KDM3B: variants seen among roughly 807,000 people sequenced by gnomAD.
The protein encoded by KDM3B is lysine demethylase 3B.
Under a neutral mutation model 170.0 loss-of-function variants are expected in KDM3B, and 10 were observed. The ratio of observed to expected loss-of-function variants is 0.06; its 90% confidence interval spans 0.04 to 0.10. The LOEUF (loss-of-function observed/expected upper bound fraction) is 0.10, where lower values mean the gene tolerates loss of function less well. Among genes scored for constraint, KDM3B ranks in the 10% least tolerant of loss-of-function variants. The probability of loss-of-function intolerance (pLI) is 1.00; values close to 1 mark genes in which losing one functional copy is unlikely to be tolerated. For missense variants in KDM3B, 1,394 were observed against 2,195.2 expected (o/e 0.64, Z 7.29); for synonymous variants, 831 against 834.8 (o/e 1.00, Z 0.08).
At chr5:138,427,630 C>T (rs369428007) in intron 19 of KDM3B, among the ~76,000 whole-genome samples, 7 of 152,154 alleles carry the variant, frequency 4.6e-5, no homozygotes, top group Non-Finnish European at 1.0e-4. Context: ...GTCTGGGTGC[C>T]ATGCTACCCA....
chr5:138,416,588 C>CAA (rs545925296), intron 12 of KDM3B, among the ~76,000 whole-genome samples: 55 of 83,982 alleles, frequency 6.5e-4, no homozygotes, highest in Middle Eastern at 0.013. Flanking sequence ...GACTCTGTCT[C>CAA]AAAAAAAAAA....
chr5:138,407,516 C>T (rs1460957672), intron 11 of KDM3B, among the ~76,000 whole-genome samples: 3 of 151,948 alleles, frequency 2.0e-5, no homozygotes, highest in Non-Finnish European at 2.9e-5. Flanking sequence ...CATGTGTGTC[C>T]GTGTCCAAAA....
At chr5:138,399,308 G>A (rs1003175068) in intron 10 of KDM3B, among the ~76,000 whole-genome samples, 1 of 151,860 alleles carries the variant, frequency 6.6e-6, no homozygotes, top group Non-Finnish European at 1.5e-5. Context: ...GGGAGGCAGA[G>A]GCAGGCAGAT....
intron 12 of KDM3B, among the ~76,000 whole-genome samples, chr5:138,415,619 T>A (rs552797676): frequency 7.0e-4 from 101 of 145,322 alleles, no homozygotes; most frequent in African/African-American, 2.3e-3. Context: ...TTAATTTAAA[T>A]TTTTTTTTTT....
Position 138,393,361 on chromosome 5 carries a change from T to C in KDM3B, c.2820T>C (p.Phe940=). The change falls in exon 9 of 24, where the codon TTT becomes TTC. Residue 940 remains phenylalanine, a synonymous_variant. Transcript: ENST00000314358. The part of the protein sequence containing the change: ...QDDSTVACRF[F]HFRRLIFTRK... ...ATTCTACTGTAGCCTGCCGTTTCTT[T>C]CACTTCCGGAGGTACCCAAACTCCT... 1 of 1,613,796 alleles carries C rather than the reference T, an allele frequency of 6.2e-7. No homozygotes were observed. Among genetic ancestry groups the C allele is most frequent in the East Asian group, 2.2e-5 (1 of 44,882 alleles).
chr5:138,418,074 GGT>G (rs1491470621), intron 13 of KDM3B: 3 of 114,206 alleles, frequency 2.6e-5, no homozygotes, highest in Non-Finnish European at 5.6e-5. Flanking sequence ...TTTTGGTTTT[GGT>G]TTTTTTTTTT....
Position 138,417,480 on chromosome 5 carries a change from C to T in KDM3B, c.3308-3C>T. 2.5e-6 allele frequency: 4 copies of T among 1,612,696 alleles called. No homozygotes were observed. Among genetic ancestry groups the T allele is most frequent in the Non-Finnish European group, 3.4e-6 (4 of 1,179,508 alleles). The stretch of plus-strand genomic sequence containing the variant: ...TATTTTTATTGTTACATTTTTTTCC[C>T]AGCTCTTTACAATATTGGAGACATG... On this transcript the variant is annotated splice_polypyrimidine_tract_variant and splice_region_variant and intron_variant, in intron 12 of 23. Transcript: ENST00000314358.
At chr5:138,372,599 G>T in intron 1 of KDM3B, 75 bp from the exon 2 acceptor site, 1 of 1,256,260 alleles carries the variant, frequency 8.0e-7, no homozygotes, top group Non-Finnish European at 1.1e-6. Context: ...AAAACAGTGG[G>T]GTTTATGTTC....
Position 138,378,088 on chromosome 5 carries a change from G to GT in KDM3B, c.580+264dup, listed in dbSNP as rs537707620. On this transcript the variant is annotated intron_variant, in intron 4 of 23. Coordinates refer to ENST00000314358, the MANE Select transcript of KDM3B (RefSeq NM_016604.4). Reference sequence around the variant, plus strand: ...TCTTATGGAGGTGTCTGTAACAGAGGTGAGACTGTGTTATTCTGTCTAAGG... The same window carrying GT: ...TCTTATGGAGGTGTCTGTAACAGAGGTTGAGACTGTGTTATTCTGTCTAAGG... Among the ~76,000 whole-genome samples the GT allele has an allele frequency of 1.1e-4, 16 of 152,252 alleles. No homozygotes were observed. In the East Asian group the frequency reaches 3.1e-3, roughly 29 times the overall value.
chr5:138,425,997 C>CT (rs1184869107), intron 17 of KDM3B: 1 of 156,830 alleles, frequency 6.4e-6, no homozygotes, highest in African/African-American at 2.4e-5. Context: ...TGGAGTGAGA[C>CT]TGTCTCAAAA....
chr5:138,422,110 T>G (rs1310160793), intron 15 of KDM3B, among the ~76,000 whole-genome samples: 1 of 152,216 alleles, frequency 6.6e-6, no homozygotes, highest in Non-Finnish European at 1.5e-5. Context: ...TACATCACCC[T>G]TTTTAAAATT....
intron 12 of KDM3B, among the ~76,000 whole-genome samples, chr5:138,415,465 G>A (rs1763079933): frequency 6.6e-6 from 1 of 151,902 alleles, no homozygotes; most frequent in African/African-American, 2.4e-5. Context: ...TGAAGAGACT[G>A]TCTGCTCTGT....
At chr5:138,417,206 A>G (rs1344100075) in intron 12 of KDM3B, among the ~76,000 whole-genome samples, 3 of 152,222 alleles carry the variant, frequency 2.0e-5, no homozygotes, top group Non-Finnish European at 4.4e-5. Flanking sequence ...GAAGAGGGAA[A>G]GGGGTGTAGC....
chr5:138,394,783 T>A (rs889732601), intron 9 of KDM3B, among the ~76,000 whole-genome samples: 9 of 152,214 alleles, frequency 5.9e-5, no homozygotes, highest in Admixed American at 2.0e-4. Flanking sequence ...AAAAGGCCAC[T>A]TTGGCCACCT....
intron 15 of KDM3B, among the ~76,000 whole-genome samples, chr5:138,423,002 C>T (rs181855670): frequency 1.1e-4 from 16 of 152,252 alleles, no homozygotes; most frequent in Admixed American, 1.0e-3. Flanking sequence ...TGCAGTGGCA[C>T]GATCTCAGCT....
chr5:138,371,927 C>T (rs1298367994), intron 1 of KDM3B, among the ~76,000 whole-genome samples: 2 of 152,158 alleles, frequency 1.3e-5, no homozygotes, highest in Non-Finnish European at 2.9e-5. Context: ...TCAAGGCCAG[C>T]CTGGGCAACA....
chr5:138,399,392 G>A (rs1762624691), intron 10 of KDM3B, among the ~76,000 whole-genome samples: 2 of 151,824 alleles, frequency 1.3e-5, no homozygotes, highest in South Asian at 4.2e-4. Context: ...ACAAAAATTA[G>A]CTGGGCTTGG....
At chr5:138,428,824 C>T (rs570205431) in intron 20 of KDM3B, among the ~76,000 whole-genome samples, 5 of 151,904 alleles carry the variant, frequency 3.3e-5, no homozygotes, top group Non-Finnish European at 7.4e-5. Flanking sequence ...TGTATTTATA[C>T]TTCCTGCCAT....
chr5:138,360,029 G>T (rs954616977), intron 1 of KDM3B, among the ~76,000 whole-genome samples: 6 of 152,056 alleles, frequency 3.9e-5, no homozygotes, highest in South Asian at 2.1e-4. Flanking sequence ...CCTTTCCTCT[G>T]TCTCAGGGTG....
Sources: gnomAD v4.1 joint callset for allele counts (sites outside exome capture counted in the v4.1 genomes callset) on GRCh38, gnomAD v4.1.1 for gene constraint, MANE v1.5 for transcripts, NCBI Gene and HGNC (gene_info 2026-07-23, HGNC 2026-07-21) for gene names.